Variants in PARD3B observed in about 807,000 individuals in gnomAD.
The protein encoded by PARD3B is partitioning defective 3 homolog B.
PARD3B carries 103 observed loss-of-function variants against 130.2 expected under a neutral mutation model. The ratio of observed to expected loss-of-function variants is 0.79; its 90% confidence interval spans 0.67 to 0.93. The LOEUF (loss-of-function observed/expected upper bound fraction) is 0.93, where lower values mean the gene tolerates loss of function less well. Ranked by LOEUF, PARD3B falls within the 40% of genes least tolerant of loss-of-function variation. The pLI, the probability that PARD3B is intolerant of heterozygous loss-of-function variation, is 0.00. For missense variants in PARD3B, 1,609 were observed against 1,499.2 expected, an observed-to-expected ratio of 1.07 and a Z score of -1.21; for synonymous variants, 583 against 553.2, an observed-to-expected ratio of 1.05 and a Z score of -0.76.
intron 2 of PARD3B, among the ~76,000 whole-genome samples, chr2:204,892,378 T>C (rs1378965892): frequency 1.3e-5 from 2 of 152,194 alleles, no homozygotes; most frequent in Non-Finnish European, 2.9e-5. Context: ...AATTGGGCAC[T>C]CATTAGCTTA....
chr2:204,857,862 C>T (rs966297768), intron 2 of PARD3B, among the ~76,000 whole-genome samples: 1 of 152,102 alleles, frequency 6.6e-6, no homozygotes, highest in Non-Finnish European at 1.5e-5. Context: ...GTCAAGATGA[C>T]ATAATTAGAG....
intron 15 of PARD3B, among the ~76,000 whole-genome samples, chr2:205,233,634 C>T (rs745513090): frequency 1.3e-5 from 2 of 152,072 alleles, no homozygotes; most frequent in African/African-American, 4.8e-5. Context: ...GATGGGGTTA[C>T]GTTCCAATAA....
chr2:205,582,799 A>G (rs1292369369), intron 22 of PARD3B, among the ~76,000 whole-genome samples: 1 of 151,862 alleles, frequency 6.6e-6, no homozygotes, highest in African/African-American at 2.4e-5. Context: ...ACTTATAGGG[A>G]AGTGGCCTGC....
At chr2:205,217,894 A>ATTTTTTTTT (rs755570882) in intron 15 of PARD3B, among the ~76,000 whole-genome samples, 5 of 31,074 alleles carry the variant, frequency 1.6e-4, no homozygotes, top group African/African-American at 5.1e-4. Flanking sequence ...ATATATATAT[A>ATTTTTTTTT]TTTTTTTTTT....
At chr2:205,119,944 G>A (rs148434752) in intron 7 of PARD3B, among the ~76,000 whole-genome samples, 15 of 152,008 alleles carry the variant, frequency 9.9e-5, no homozygotes, top group East Asian at 5.8e-4. Context: ...CTGGACCAAA[G>A]GACTAAGTAC....
chr2:205,001,648 T>G (rs1694837897), intron 3 of PARD3B, among the ~76,000 whole-genome samples: 1 of 152,208 alleles, frequency 6.6e-6, no homozygotes, highest in Non-Finnish European at 1.5e-5. Context: ...CAGCACATAC[T>G]GCTTTTGCTG....
chr2:205,414,891 A>G (rs2046722357), intron 19 of PARD3B, among the ~76,000 whole-genome samples: 2 of 152,140 alleles, frequency 1.3e-5, no homozygotes, highest in Non-Finnish European at 2.9e-5. Flanking sequence ...AAAAAAAAGT[A>G]AAATTTTAGC....
At chr2:205,216,745 A>G (rs2037930689) in intron 15 of PARD3B, among the ~76,000 whole-genome samples, 1 of 152,126 alleles carries the variant, frequency 6.6e-6, no homozygotes. Context: ...ACAGAACAGT[A>G]CTCTTTATCA....
At chr2:204,764,814 C>T (rs2041073323) in intron 2 of PARD3B, among the ~76,000 whole-genome samples, 1 of 151,644 alleles carries the variant, frequency 6.6e-6, no homozygotes, top group South Asian at 2.1e-4. Flanking sequence ...CAGTTACCTC[C>T]ATATTCTCTT....
intron 18 of PARD3B, among the ~76,000 whole-genome samples, chr2:205,342,841 T>C (rs368519099): frequency 5.2e-4 from 79 of 152,332 alleles, no homozygotes; most frequent in African/African-American, 1.8e-3. Context: ...TTTGATTTTA[T>C]AATGTAAGTC....
At chr2:205,211,392 G>T (rs2037625735) in intron 15 of PARD3B, among the ~76,000 whole-genome samples, 1 of 151,986 alleles carries the variant, frequency 6.6e-6, no homozygotes, top group Non-Finnish European at 1.5e-5. Flanking sequence ...TTTATTGGGT[G>T]CACTGTCTAT....
rs6734527 is a variant in PARD3B, at chr2:205,459,631, G to A, written c.3044+18959G>A. 2.6e-3 allele frequency among the ~76,000 whole-genome samples: 389 copies of A among 152,256 alleles called. 1 individual carries two copies. Among genetic ancestry groups the A allele is most frequent in the African/African-American group, 8.7e-3 (360 of 41,538 alleles). ...TGATCTTTCTTGTTGAGGCCCTACA[G>A]TCACTGTTGTGCTCCTGGGCCTTGG... On this transcript the variant is annotated intron_variant, in intron 20 of 22. Transcript: ENST00000406610.
intron 2 of PARD3B, among the ~76,000 whole-genome samples, chr2:204,778,034 C>T (rs571418787): frequency 6.6e-6 from 1 of 152,032 alleles, no homozygotes; most frequent in South Asian, 2.1e-4. Flanking sequence ...TTTCCTGAGG[C>T]CTCCCTAGCC....
intron 1 of PARD3B, among the ~76,000 whole-genome samples, chr2:204,663,708 C>T (rs576277714): frequency 2.6e-5 from 4 of 152,200 alleles, no homozygotes; most frequent in South Asian, 2.1e-4. Context: ...AATATTTACC[C>T]GTAAGTGTTG....
At chr2:205,313,601 G>GTGTCAA (rs2042464959) in intron 18 of PARD3B, among the ~76,000 whole-genome samples, 1 of 152,192 alleles carries the variant, frequency 6.6e-6, no homozygotes, top group South Asian at 2.1e-4. Context: ...ACCACATAGA[G>GTGTCAA]TGTCAACCAA....
chr2:205,008,984 G>T (rs900406336), intron 3 of PARD3B, among the ~76,000 whole-genome samples: 1 of 152,132 alleles, frequency 6.6e-6, no homozygotes, highest in African/African-American at 2.4e-5. Flanking sequence ...TAGGAATTAA[G>T]AGGGAAAAAT....
rs1306908377 is a variant in PARD3B, at chr2:205,568,310, A to G, written c.3260+14907A>G. ...GGAGTAGGTGCTCTGTGAATTGGTC[A>G]TGTCTTGTACGGAACACAGTGAATG... On this transcript the variant is annotated intron_variant, in intron 22 of 22. Transcript: ENST00000406610. The surrounding 1 kb of genome is among the most constrained non-coding windows in gnomAD (Gnocchi z 5.3). Among the ~76,000 whole-genome samples the G allele has an allele frequency of 2.0e-5, 3 of 152,196 alleles. No homozygotes were observed. Among genetic ancestry groups the G allele is most frequent in the African/African-American group, 4.8e-5 (2 of 41,440 alleles).
chr2:205,505,310 C>A (rs2050316363), intron 21 of PARD3B, among the ~76,000 whole-genome samples: 1 of 152,058 alleles, frequency 6.6e-6, no homozygotes. Context: ...TTGCTGGGTG[C>A]AGCACACGAA....
chr2:204,845,095 T>C (rs2044408074), intron 2 of PARD3B, among the ~76,000 whole-genome samples: 1 of 152,050 alleles, frequency 6.6e-6, no homozygotes, highest in Admixed American at 6.6e-5. Context: ...GAGTTGAAAA[T>C]AGAAGCATGT....
Sources: gnomAD v4.1 joint callset for allele counts (sites outside exome capture counted in the v4.1 genomes callset) on GRCh38, gnomAD v4.1.1 for gene constraint, Gnocchi (gnomAD v3.1) non-coding constraint, MANE v1.5 for transcripts, NCBI Gene and HGNC (gene_info 2026-07-23, HGNC 2026-07-21) for gene names.